MAML2: variants seen among roughly 807,000 people sequenced by gnomAD.
MAML2 encodes mastermind like transcriptional coactivator 2.
MAML2 carries 22 observed loss-of-function variants against 96.1 expected under a neutral mutation model. That is an observed-to-expected ratio of 0.23 (90% CI 0.16 to 0.33). The LOEUF is 0.33. Ranked by LOEUF, MAML2 falls within the 10% of genes least tolerant of loss-of-function variation. MAML2 has a pLI of 1.00. For synonymous variants in MAML2, 561 were observed against 521.3 expected, an observed-to-expected ratio of 1.08 and a Z score of -1.04; for missense variants, 1,367 against 1,392.4, an observed-to-expected ratio of 0.98 and a Z score of 0.29.
intron 2 of MAML2, among the ~76,000 whole-genome samples, chr11:96,085,101 G>A (rs1467889605): frequency 3.3e-5 from 5 of 152,120 alleles, no homozygotes. Flanking sequence ...CAGATTCATT[G>A]CATCAAATGC....
At chr11:96,224,950 C>T (rs1862191413) in intron 1 of MAML2, among the ~76,000 whole-genome samples, 1 of 152,112 alleles carries the variant, frequency 6.6e-6, no homozygotes, top group African/African-American at 2.4e-5. Flanking sequence ...CCAGGAAAAG[C>T]ACTTTGTCTA....
chr11:96,320,410 C>T (rs1863684500), intron 1 of MAML2, among the ~76,000 whole-genome samples: 2 of 152,146 alleles, frequency 1.3e-5, no homozygotes, highest in Non-Finnish European at 2.9e-5. Flanking sequence ...TTCTCTAGCC[C>T]TCTGGTATAC....
At chr11:96,277,723 C>G (rs1220063081) in intron 1 of MAML2, among the ~76,000 whole-genome samples, 1 of 135,958 alleles carries the variant, frequency 7.4e-6, no homozygotes, top group African/African-American at 2.8e-5. Context: ...GGGCAACAGA[C>G]ACTCTGCCTC....
intron 1 of MAML2, among the ~76,000 whole-genome samples, chr11:96,102,682 T>C (rs1370657353): frequency 2.0e-5 from 3 of 152,216 alleles, no homozygotes. Flanking sequence ...TCTAGATCCA[T>C]TCAGTGATAA....
At chr11:96,264,017 A>G (rs538040762) in intron 1 of MAML2, among the ~76,000 whole-genome samples, 6 of 152,382 alleles carry the variant, frequency 3.9e-5, no homozygotes, top group African/African-American at 1.4e-4. Flanking sequence ...GGTTATAGTT[A>G]TAATTCAAAA....
chr11:96,066,619 TAAAGAGTAGGATGAA>T lies in MAML2; in HGVS notation c.2139+25258_2139+25272del, dbSNP rs967155000. On this transcript the variant is annotated intron_variant, in intron 2 of 4. Transcript: ENST00000524717. Reference sequence around the variant, plus strand: ...TGAATCCCATAGGAATGAATTATAATAAAGAGTAGGATGAAAAGTCTTTTATTTTTCAGCAAATAT... The same window carrying T: ...TGAATCCCATAGGAATGAATTATAATAAGTCTTTTATTTTTCAGCAAATAT... 3.8e-4 allele frequency among the ~76,000 whole-genome samples: 58 copies of T among 152,194 alleles called. 1 individual carries two copies. The highest frequency in any genetic ancestry group is 1.3e-3 in the African/African-American group (53 of 41,512).
intron 1 of MAML2, among the ~76,000 whole-genome samples, chr11:96,169,474 TA>T (rs1166344590): frequency 6.6e-6 from 1 of 152,144 alleles, no homozygotes; most frequent in Non-Finnish European, 1.5e-5. Flanking sequence ...CTCCTCCTTC[TA>T]AAAAAGTCCT....
chr11:96,148,407 C>G (rs1322394747), intron 1 of MAML2, among the ~76,000 whole-genome samples: 2 of 151,132 alleles, frequency 1.3e-5, no homozygotes, highest in African/African-American at 2.4e-5. Context: ...TCTAAGTGAA[C>G]TGAATGGAGA....
rs551267481 is a variant in MAML2, at chr11:96,165,233, CT to C, written c.514-71717del. On this transcript the variant is annotated intron_variant, in intron 1 of 4. Coordinates refer to ENST00000524717, the MANE Select transcript of MAML2 (RefSeq NM_032427.4). Reference sequence around the variant, plus strand: ...TTTTTTTTTGCAAGTGGTTCTTAAACTTTAGTGAGCATCAGAATCACCTTGA... The same window carrying C: ...TTTTTTTTTGCAAGTGGTTCTTAAACTTAGTGAGCATCAGAATCACCTTGA... Among the ~76,000 whole-genome samples the C allele has an allele frequency of 5.3e-3, 811 of 152,080 alleles. 8 individuals carry two copies. The highest frequency in any genetic ancestry group is 0.019 in the African/African-American group (773 of 41,474).
chr11:96,155,511 T>TACATAC (rs201230509), intron 1 of MAML2, among the ~76,000 whole-genome samples: 7 of 35,682 alleles, frequency 2.0e-4, no homozygotes, highest in Admixed American at 1.1e-3. Context: ...ACAATTCAAA[T>TACATAC]ATATATATAT....
At chr11:96,325,806 A>G (rs1257974199) in intron 1 of MAML2, among the ~76,000 whole-genome samples, 1 of 152,194 alleles carries the variant, frequency 6.6e-6, no homozygotes, top group Non-Finnish European at 1.5e-5. Flanking sequence ...CGGAATCAAC[A>G]TTTCACACAG....
chr11:95,976,848 A>T lies in MAML2; in HGVS notation c.*2100T>A. 1 of 186,788 alleles carries T rather than the reference A, an allele frequency of 5.4e-6. No individual in the cohort carries two copies. Among genetic ancestry groups the T allele is most frequent in the East Asian group, 8.6e-5 (1 of 11,672 alleles). The allele number at this position is 186,788 out of a possible 1,614,324, so 11.6% of individuals were successfully genotyped here. On this transcript the variant is annotated 3_prime_UTR_variant, in exon 5 of 5. Coordinates refer to ENST00000524717, the MANE Select transcript of MAML2 (RefSeq NM_032427.4). ...CAACAAAAGCGTTTATATGTACATC[A>T]TTTTTTTTCTTTTTGTATGGAGAAA...
intron 1 of MAML2, among the ~76,000 whole-genome samples, chr11:96,307,553 T>C (rs1352992965): frequency 6.6e-6 from 1 of 152,090 alleles, no homozygotes; most frequent in Non-Finnish European, 1.5e-5. Context: ...GGAAATGCCA[T>C]CTTAAAGCTG....
At chr11:96,010,214 T>C (rs1477020060) in intron 2 of MAML2, among the ~76,000 whole-genome samples, 2 of 152,230 alleles carry the variant, frequency 1.3e-5, no homozygotes, top group African/African-American at 4.8e-5. Context: ...TGGATACATA[T>C]TTAAACATAG....
At chr11:96,237,764 A>G (rs1252152509) in intron 1 of MAML2, among the ~76,000 whole-genome samples, 5 of 152,192 alleles carry the variant, frequency 3.3e-5, no homozygotes, top group African/African-American at 1.2e-4. Context: ...ATGCACGCCT[A>G]CTTTCTTCAA....
intron 1 of MAML2, among the ~76,000 whole-genome samples, chr11:96,263,263 G>A (rs967853996): frequency 6.6e-6 from 1 of 152,150 alleles, no homozygotes; most frequent in African/African-American, 2.4e-5. Context: ...TACACTGCCT[G>A]TCATTGTTAA....
At chr11:96,077,446 C>T (rs1384129286) in intron 2 of MAML2, among the ~76,000 whole-genome samples, 2 of 151,978 alleles carry the variant, frequency 1.3e-5, no homozygotes, top group African/African-American at 2.4e-5. Context: ...GTCTTGAACT[C>T]CTGACCTCAA....
chr11:96,067,300 T>C (rs1287017928), intron 2 of MAML2, among the ~76,000 whole-genome samples: 2 of 152,212 alleles, frequency 1.3e-5, no homozygotes, highest in African/African-American at 4.8e-5. Flanking sequence ...AGCCTGACAC[T>C]CTTTTAAAAA....
chr11:95,990,682 G>A (rs1248439205), intron 3 of MAML2, among the ~76,000 whole-genome samples: 4 of 152,078 alleles, frequency 2.6e-5, no homozygotes, highest in East Asian at 3.9e-4. Context: ...AATAATTATA[G>A]CACTTGTGAT....
Sources: gnomAD v4.1 joint callset for allele counts (sites outside exome capture counted in the v4.1 genomes callset) on GRCh38, gnomAD v4.1.1 for gene constraint, MANE v1.5 for transcripts, NCBI Gene and HGNC (gene_info 2026-07-23, HGNC 2026-07-21) for gene names.